SENP5: variants seen among roughly 807,000 people sequenced by gnomAD.
SENP5 encodes the protein SUMO specific peptidase 5.
Under a neutral mutation model 74.2 loss-of-function variants are expected in SENP5, and 21 were observed. The observed-to-expected ratio is 0.28, with a 90% CI of 0.20 to 0.41. The LOEUF is 0.41. Among genes scored for constraint, SENP5 ranks in the 10% least tolerant of loss-of-function variants. The pLI is 1.00. For synonymous variants in SENP5, 311 were observed against 312.7 expected (o/e 0.99, Z 0.06); for missense variants, 717 against 889.1 (o/e 0.81, Z 2.46).
At chr3:196,900,170 C>A in intron 4 of SENP5, 108 bp downstream of exon 4, 1 of 1,394,568 alleles carries the variant, frequency 7.2e-7, no homozygotes, top group Non-Finnish European at 9.7e-7. Flanking sequence ...AAGGATTCTT[C>A]ATTCTTTACT....
chr3:196,932,126 T>C lies in SENP5; in HGVS notation c.*1203T>C, dbSNP rs1444929184. On this transcript the variant is annotated 3_prime_UTR_variant, in exon 10 of 10. Coordinates refer to ENST00000323460, the MANE Select transcript of SENP5 (RefSeq NM_152699.5). ...AGAAAGGCCAAGTGGCCCTTGTCCA[T>C]ACACTTAGCTGCATTAGGATGAATA... 5 of 232,004 alleles carry C rather than the reference T, an allele frequency of 2.2e-5. No homozygotes were observed. Among genetic ancestry groups the C allele is most frequent in the South Asian group, 1.3e-4 (3 of 22,610 alleles). The allele number at this position is 232,004 out of a possible 1,614,324, so 14.4% of individuals were successfully genotyped here.
At chr3:196,908,102 G>A (rs1024450149) in intron 6 of SENP5, among the ~76,000 whole-genome samples, 5 of 151,944 alleles carry the variant, frequency 3.3e-5, no homozygotes, top group Non-Finnish European at 7.4e-5. Context: ...GCAACCAAGC[G>A]AGACCCCGTT....
At chr3:196,895,265 C>T (rs765498595) in intron 2 of SENP5, among the ~76,000 whole-genome samples, 1 of 150,028 alleles carries the variant, frequency 6.7e-6, no homozygotes, top group Non-Finnish European at 1.5e-5. Flanking sequence ...AATCTCAGCT[C>T]GCTGCAAGCT....
chr3:196,889,122 A>G (rs1333709889), intron 2 of SENP5, among the ~76,000 whole-genome samples: 7 of 151,990 alleles, frequency 4.6e-5, no homozygotes, highest in African/African-American at 1.7e-4. Flanking sequence ...TCTCAAAAAA[A>G]ATAAAAATAA....
At chr3:196,922,233 A>G (rs1328098691) in intron 6 of SENP5, among the ~76,000 whole-genome samples, 1 of 152,186 alleles carries the variant, frequency 6.6e-6, no homozygotes, top group African/African-American at 2.4e-5. Context: ...TAAGGTAGGT[A>G]CTATTTTCTA....
chr3:196,868,021 T>C lies in SENP5; in HGVS notation c.-84T>C, dbSNP rs1405070484. On this transcript the variant is annotated 5_prime_UTR_variant, in exon 1 of 10. Transcript: ENST00000323460. ...CGAAGGCGGGGTCCGCGGTCCAGGCTGCTGCCGCGACGGGGCCGGCGGCGG... is the reference window on the plus strand; with the variant it reads ...CGAAGGCGGGGTCCGCGGTCCAGGCCGCTGCCGCGACGGGGCCGGCGGCGG... 6.6e-6 allele frequency: 1 copy of C among 151,920 alleles called. No homozygotes were observed. Among genetic ancestry groups the C allele is most frequent in the Non-Finnish European group, 1.5e-5 (1 of 67,986 alleles). The allele number at this position is 151,920 out of a possible 1,614,324, so 9.4% of individuals were successfully genotyped here. A position where few individuals can be genotyped will look rare whatever the true frequency, so the allele number is the denominator to read the frequency against.
At position 196,923,495 on chromosome 3, in the gene SENP5, A is replaced by G. The variant is rs1469623455; in HGVS notation, c.1966A>G (p.Asn656Asp). 1 of 1,611,642 alleles carries G rather than the reference A, an allele frequency of 6.2e-7. No homozygotes were observed. Among genetic ancestry groups the G allele is most frequent in the East Asian group, 2.2e-5 (1 of 44,824 alleles). ...HWSLITVTLS[N>D]RIISFYDSQG... ...GTCTCTCATTACTGTGACACTCTCTAATCGAATTATTTCATTTTATGATTC... is the reference window on the plus strand; with the variant it reads ...GTCTCTCATTACTGTGACACTCTCTGATCGAATTATTTCATTTTATGATTC... The change falls in exon 7 of 10, where the codon AAT becomes GAT. Residue 656 changes from asparagine to aspartate, a missense_variant. Physicochemically the swap from Asn to Asp is conservative, Grantham distance 23. Coordinates refer to ENST00000323460, the MANE Select transcript of SENP5 (RefSeq NM_152699.5).
rs749703495 is a variant in SENP5 at position 196,885,632 on chromosome 3, C to G, written c.451C>G (p.Gln151Glu). 1.9e-6 allele frequency: 3 copies of G among 1,614,164 alleles called. No homozygotes were observed. The South Asian group carries it at 3.3e-5, about 18-fold the overall frequency. Residue 151 changes from glutamine to glutamate, a missense_variant, in exon 2 of 10, where the codon CAG becomes GAG. By Grantham distance (29) the Gln-to-Glu change is conservative. Transcript: ENST00000323460. Reference sequence around the variant, plus strand: ...CTTTCCATCAAATAGTGCTTTAGGTCAGGCCAATGGTCACAGACCTAGGAC... The same window carrying G: ...CTTTCCATCAAATAGTGCTTTAGGTGAGGCCAATGGTCACAGACCTAGGAC... Reference protein sequence around the residue: ...TDFPSNSALGQANGHRPRTDP... With the variant: ...TDFPSNSALGEANGHRPRTDP...
intron 6 of SENP5, chr3:196,913,773 C>G (rs1310059341): frequency 1.3e-5 from 2 of 150,534 alleles, no homozygotes; most frequent in African/African-American, 4.9e-5. Flanking sequence ...CCTCAGCCTC[C>G]CAAGTAGCTG....
At chr3:196,882,142 G>A (rs866694060) in intron 1 of SENP5, among the ~76,000 whole-genome samples, 11 of 151,764 alleles carry the variant, frequency 7.2e-5, no homozygotes, top group African/African-American at 1.5e-4. Context: ...CAAGTGATCC[G>A]CCTGTCTTGG....
chr3:196,917,839 T>C (rs1577840759), intron 6 of SENP5, among the ~76,000 whole-genome samples: 1 of 152,206 alleles, frequency 6.6e-6, no homozygotes, highest in South Asian at 2.1e-4. Flanking sequence ...GGAAAGGACA[T>C]GAGTGAGCAA....
At chr3:196,899,210 AC>A (rs1413290432) in intron 2 of SENP5, among the ~76,000 whole-genome samples, 2 of 152,162 alleles carry the variant, frequency 1.3e-5, no homozygotes, top group Non-Finnish European at 2.9e-5. Flanking sequence ...TAAAGTACAT[AC>A]CTTTACCAAA....
At chr3:196,921,876 A>G (rs947347636) in intron 6 of SENP5, among the ~76,000 whole-genome samples, 2 of 152,238 alleles carry the variant, frequency 1.3e-5, no homozygotes, top group African/African-American at 4.8e-5. Flanking sequence ...TTTTAACCCA[A>G]GTAATCACCA....
At chr3:196,903,974 A>G (rs1172023740) in intron 6 of SENP5, among the ~76,000 whole-genome samples, 2 of 152,258 alleles carry the variant, frequency 1.3e-5, no homozygotes, top group Non-Finnish European at 2.9e-5. Flanking sequence ...TCACTTGAGC[A>G]CAAGCATTTG....
intron 1 of SENP5, among the ~76,000 whole-genome samples, chr3:196,873,813 G>A (rs530305743): frequency 6.6e-6 from 1 of 152,096 alleles, no homozygotes; most frequent in Non-Finnish European, 1.5e-5. Context: ...ACTATAGCCT[G>A]GGTGACATAG....
chr3:196,900,136 G>T, intron 4 of SENP5, 74 bp downstream of exon 4: 1 of 1,536,408 alleles, frequency 6.5e-7, no homozygotes, highest in South Asian at 1.3e-5. Flanking sequence ...TCTCTAGTTT[G>T]GCTTCTCAGT....
rs150432878 is a variant in SENP5, at chr3:196,885,537, T to C, written c.356T>C (p.Leu119Pro). Residue 119 changes from leucine (L) to proline (P), a missense_variant, in exon 2 of 10, where the codon CTG (leucine) becomes CCG (proline). By Grantham distance (98) the Leu-to-Pro change is moderately conservative. This residue lies in a region of SENP5 where 567 missense variants were observed against 577.4 expected (regional missense o/e 0.98). Transcript: ENST00000323460. ...CTCCTGAGACTCCAAGCAGAGAAGC[T>C]GTTGTCATCAGCAAAGAATTCTGAC... ...KTLLRLQAEK[L>P]LSSAKNSDHE... The C allele has an allele frequency of 8.1e-5, 131 of 1,614,056 alleles. No individual in the cohort carries two copies. The African/African-American group carries it at 1.3e-3, about 17-fold the overall frequency.
At chr3:196,888,177 A>G (rs748035017) in intron 2 of SENP5, among the ~76,000 whole-genome samples, 1 of 152,198 alleles carries the variant, frequency 6.6e-6, no homozygotes. Flanking sequence ...TGGTGTAAAC[A>G]TTTCTTTGGA....
chr3:196,931,451 T>G lies in SENP5; in HGVS notation c.*528T>G. 5.6e-6 allele frequency: 1 copy of G among 178,938 alleles called. No individual in the cohort carries two copies. Among genetic ancestry groups the G allele is most frequent in the Non-Finnish European group, 1.2e-5 (1 of 85,586 alleles). The allele number at this position is 178,938 out of a possible 1,614,324, so 11.1% of individuals were successfully genotyped here. On this transcript the variant is annotated 3_prime_UTR_variant, in exon 10 of 10. Transcript: ENST00000323460. ...TCACCAACTTCCCTCTCCAAGTGAG[T>G]CTTAGAGAGTGCAGTCCATTCCTTT...
Sources: gnomAD v4.1 joint callset for allele counts (sites outside exome capture counted in the v4.1 genomes callset) on GRCh38, gnomAD v4.1.1 for gene constraint, gnomAD v4.1.1 regional missense constraint, MANE v1.5 for transcripts, NCBI Gene and HGNC (gene_info 2026-07-23, HGNC 2026-07-21) for gene names.